The following DCC variants were observed in gnomAD, a reference collection of about 807,000 sequenced individuals.
DCC encodes the protein netrin receptor DCC.
Under a neutral mutation model 172.5 loss-of-function variants are expected in DCC, and 58 were observed. That is an observed-to-expected ratio of 0.34 (90% CI 0.27 to 0.42). The LOEUF (loss-of-function observed/expected upper bound fraction) is 0.42. Among genes scored for constraint, DCC ranks in the 10% least tolerant of loss-of-function variants. DCC has a pLI of 1.00. For synonymous variants in DCC, 709 were observed against 644.5 expected (o/e 1.10, Z -1.52); for missense variants, 1,740 against 1,791.0 (o/e 0.97, Z 0.51).
At chr18:53,524,179 T>C (rs1371401995) in intron 27 of DCC, among the ~76,000 whole-genome samples, 1 of 152,038 alleles carries the variant, frequency 6.6e-6, no homozygotes, top group East Asian at 1.9e-4. Context: ...ATACATATGT[T>C]AAATAGCTTG....
At chr18:52,625,411 T>C (rs1001572935) in intron 1 of DCC, among the ~76,000 whole-genome samples, 1 of 152,314 alleles carries the variant, frequency 6.6e-6, no homozygotes, top group East Asian at 1.9e-4. Context: ...GTCCTTGTAT[T>C]CTTTGTTTTC....
chr18:52,823,748 T>C (rs2038453704), intron 2 of DCC, among the ~76,000 whole-genome samples: 1 of 152,216 alleles, frequency 6.6e-6, no homozygotes, highest in African/African-American at 2.4e-5. Flanking sequence ...CTGTGTTTAA[T>C]AAGAATGAGC....
chr18:53,138,548 T>C (rs545362342), intron 7 of DCC, among the ~76,000 whole-genome samples: 1 of 152,362 alleles, frequency 6.6e-6, no homozygotes, highest in South Asian at 2.1e-4. Context: ...GATTGTACAA[T>C]ATATCATTCT....
intron 18 of DCC, among the ~76,000 whole-genome samples, chr18:53,400,053 T>A (rs1909199537): frequency 1.3e-5 from 2 of 152,146 alleles, no homozygotes; most frequent in African/African-American, 4.8e-5. Context: ...ATAGTCTATG[T>A]CTTTGAGCGA....
chr18:52,592,331 A>C (rs1598939028), intron 1 of DCC, among the ~76,000 whole-genome samples: 1 of 152,282 alleles, frequency 6.6e-6, no homozygotes, highest in Non-Finnish European at 1.5e-5. Context: ...TGATTAATAT[A>C]ATTATTCAGC....
chr18:53,268,752 A>G (rs1217735741), intron 12 of DCC, among the ~76,000 whole-genome samples: 1 of 152,166 alleles, frequency 6.6e-6, no homozygotes, highest in East Asian at 1.9e-4. Context: ...GCTCTCTCTC[A>G]GTCTTTATTA....
chr18:53,412,782 A>G (rs1910060360), intron 20 of DCC, among the ~76,000 whole-genome samples: 1 of 152,166 alleles, frequency 6.6e-6, no homozygotes, highest in Admixed American at 6.6e-5. Flanking sequence ...GGTCTTTTTG[A>G]TATTAACAAC....
Position 53,086,230 on chromosome 18 carries a change from G to GTTCTTCTTCTTCTTCTTCCT in DCC, c.1261+20083_1261+20102dup, listed in dbSNP as rs1568294814. The stretch of plus-strand genomic sequence containing the variant: ...TCTTTCCTTCCCTTCTTCTTCTTCC[G>GTTCTTCTTCTTCTTCTTCCT]TTCTTCTTCTTCTTCTTCCTTTCTT... On this transcript the variant is annotated intron_variant, in intron 7 of 28. Coordinates refer to ENST00000442544, the MANE Select transcript of DCC (RefSeq NM_005215.4). 1.3e-4 allele frequency among the ~76,000 whole-genome samples: 4 copies of GTTCTTCTTCTTCTTCTTCCT among 30,500 alleles called. 2 individuals carry two copies. Among genetic ancestry groups the GTTCTTCTTCTTCTTCTTCCT allele is most frequent in the African/African-American group, 8.4e-4 (2 of 2,374 alleles). 20.0% of individuals were successfully genotyped at this position (30,500 alleles called of 152,430 possible).
At chr18:52,736,335 C>T (rs4305172) in intron 1 of DCC, among the ~76,000 whole-genome samples, 62,827 of 151,284 alleles carry the variant, frequency 0.42, 14,122 homozygotes, top group East Asian at 0.57. Context: ...CAACACAAAC[C>T]CTCAGCAAAT....
chr18:53,091,859 C>CAA (rs1384337690), intron 7 of DCC, among the ~76,000 whole-genome samples: 105 of 141,102 alleles, frequency 7.4e-4, no homozygotes, highest in Non-Finnish European at 1.1e-3. Flanking sequence ...ATCAATCTAT[C>CAA]TATATATATA....
At chr18:53,072,899 C>T (rs1459550592) in intron 7 of DCC, among the ~76,000 whole-genome samples, 1 of 152,106 alleles carries the variant, frequency 6.6e-6, no homozygotes. Flanking sequence ...ACACTTAACT[C>T]CAAGCCTTAA....
At chr18:52,708,926 A>G (rs1488616966) in intron 1 of DCC, among the ~76,000 whole-genome samples, 1 of 152,224 alleles carries the variant, frequency 6.6e-6, no homozygotes, top group Non-Finnish European at 1.5e-5. Context: ...TGCATAGCTT[A>G]GTACCAAAGA....
chr18:53,111,718 G>A (rs2043335142), intron 7 of DCC, among the ~76,000 whole-genome samples: 1 of 151,624 alleles, frequency 6.6e-6, no homozygotes, highest in Non-Finnish European at 1.5e-5. Context: ...TGTCCATCTT[G>A]TACATTTTCC....
chr18:52,644,887 G>T (rs1276412900), intron 1 of DCC, among the ~76,000 whole-genome samples: 1 of 151,748 alleles, frequency 6.6e-6, no homozygotes, highest in East Asian at 1.9e-4. Flanking sequence ...TTTGCTTGAG[G>T]AAGTTGCTTG....
intron 5 of DCC, among the ~76,000 whole-genome samples, chr18:53,026,582 G>T (rs1599041611): frequency 6.6e-6 from 1 of 151,912 alleles, no homozygotes; most frequent in Admixed American, 6.6e-5. Context: ...TATAGACAGG[G>T]TATCTCTCTG....
chr18:53,267,774 G>A (rs529974218), intron 12 of DCC, among the ~76,000 whole-genome samples: 2 of 152,206 alleles, frequency 1.3e-5, no homozygotes, highest in East Asian at 1.9e-4. Flanking sequence ...CCACATATTC[G>A]TTATTGTTAA....
intron 13 of DCC, among the ~76,000 whole-genome samples, chr18:53,311,621 T>C (rs2057269972): frequency 6.6e-6 from 1 of 152,230 alleles, no homozygotes. Context: ...TTGTAAAAGA[T>C]AATTAACATT....
intron 5 of DCC, among the ~76,000 whole-genome samples, chr18:53,011,648 A>AT: frequency 6.6e-6 from 1 of 151,842 alleles, no homozygotes; most frequent in East Asian, 1.9e-4. Context: ...TTGTATTTGC[A>AT]TATGTTTAGA....
chr18:53,377,384 A>AGAGAGAGT (rs928556550), intron 15 of DCC, among the ~76,000 whole-genome samples: 1 of 150,336 alleles, frequency 6.7e-6, no homozygotes, highest in East Asian at 1.9e-4. Context: ...AGAGAGAGAG[A>AGAGAGAGT]GAGAGGAAGA....
Sources: gnomAD v4.1 joint callset for allele counts (sites outside exome capture counted in the v4.1 genomes callset) on GRCh38, gnomAD v4.1.1 for gene constraint, MANE v1.5 for transcripts, NCBI Gene and HGNC (gene_info 2026-07-23, HGNC 2026-07-21) for gene names.